ANKRD28: variants seen among roughly 807,000 people sequenced by gnomAD.
ANKRD28 encodes the protein serine/threonine-protein phosphatase 6 regulatory ankyrin repeat subunit A.
In ANKRD28, 44 loss-of-function variants were observed where a neutral mutation model predicts 126.5. The ratio of observed to expected loss-of-function variants is 0.35; its 90% CI spans 0.27 to 0.45. The LOEUF is 0.45. Among genes scored for constraint, ANKRD28 ranks in the 20% least tolerant of loss-of-function variants. The pLI, the probability that ANKRD28 is intolerant of heterozygous loss-of-function variation, is 1.00. For synonymous variants in ANKRD28, 442 were observed against 468.5 expected, an observed-to-expected ratio of 0.94 and a Z score of 0.73; for missense variants, 1,110 against 1,316.6, an observed-to-expected ratio of 0.84 and a Z score of 2.43.
intron 2 of ANKRD28, among the ~76,000 whole-genome samples, chr3:15,774,708 CTCA>C (rs1223756640): frequency 3.3e-5 from 5 of 151,932 alleles, no homozygotes; most frequent in African/African-American, 1.2e-4. Flanking sequence ...AAATTAAGAC[CTCA>C]TGTTTAATTA....
At chr3:15,765,031 C>A (rs955805664) in intron 3 of ANKRD28, among the ~76,000 whole-genome samples, 7 of 152,126 alleles carry the variant, frequency 4.6e-5, no homozygotes, top group African/African-American at 1.7e-4. Context: ...CCCTCTGAGC[C>A]CTCCTTTCCA....
chr3:15,686,946 C>CT (rs368116430), intron 18 of ANKRD28, among the ~76,000 whole-genome samples: 22,584 of 140,960 alleles, frequency 0.16, 2,423 homozygotes, highest in African/African-American at 0.31. Flanking sequence ...CCTGATATTG[C>CT]TTTTTTTTTT....
chr3:15,772,982 A>T (rs1192557174), intron 2 of ANKRD28, among the ~76,000 whole-genome samples: 48 of 152,168 alleles, frequency 3.2e-4, no homozygotes, highest in Non-Finnish European at 2.2e-4. Context: ...CTGAGATAGG[A>T]ATGAGGCAAA....
chr3:15,788,139 C>T (rs1314601963), intron 2 of ANKRD28, among the ~76,000 whole-genome samples: 1 of 151,968 alleles, frequency 6.6e-6, no homozygotes, highest in African/African-American at 2.4e-5. Flanking sequence ...TTTTTATCTA[C>T]CAAAAAAATA....
At chr3:15,841,051 C>G (rs112893811) in intron 1 of ANKRD28, among the ~76,000 whole-genome samples, 1 of 152,024 alleles carries the variant, frequency 6.6e-6, no homozygotes, top group Non-Finnish European at 1.5e-5. Context: ...TGAGGCAGAA[C>G]TGCTTGAACC....
Position 15,702,007 on chromosome 3 carries a change from G to C in ANKRD28, c.1548-5762C>G, listed in dbSNP as rs147074807. ...AACAGAAATGGGTCTTCCTTACTGA[G>C]ACCTGAATACAAAACTTATTCTAAT... On this transcript the variant is annotated intron_variant, in intron 14 of 27. Coordinates refer to ENST00000683139, the MANE Select transcript of ANKRD28 (RefSeq NM_001349278.2). Among the ~76,000 whole-genome samples the C allele has an allele frequency of 1.7e-3, 257 of 152,272 alleles. 2 individuals are homozygous for C. The highest frequency in any genetic ancestry group is 6.1e-3 in the African/African-American group (255 of 41,546).
At chr3:15,747,166 C>CT (rs569471227) in intron 4 of ANKRD28, among the ~76,000 whole-genome samples, 2,488 of 139,266 alleles carry the variant, frequency 0.018, 26 homozygotes, top group Middle Eastern at 0.044. Flanking sequence ...TTTATCTTTC[C>CT]TTTTTTTTTT....
intron 17 of ANKRD28, among the ~76,000 whole-genome samples, chr3:15,691,125 CTTT>C (rs535516050): frequency 4.2e-5 from 6 of 141,440 alleles, no homozygotes; most frequent in South Asian, 2.3e-4. Context: ...CTGAAGTTGT[CTTT>C]TTTTTTTTTT....
At chr3:15,704,531 A>C (rs907830013) in intron 14 of ANKRD28, among the ~76,000 whole-genome samples, 5 of 152,116 alleles carry the variant, frequency 3.3e-5, no homozygotes, top group South Asian at 2.1e-4. Context: ...CAAATAAGCA[A>C]ATGTACATTA....
chr3:15,802,607 T>C (rs1231216915), upstream of ANKRD28, among the ~76,000 whole-genome samples: 1 of 152,218 alleles, frequency 6.6e-6, no homozygotes, highest in Non-Finnish European at 1.5e-5. Context: ...CTGTAACATA[T>C]TGTACTAGAA....
chr3:15,688,487 A>G (rs565042636), intron 18 of ANKRD28, among the ~76,000 whole-genome samples: 1 of 152,238 alleles, frequency 6.6e-6, no homozygotes, highest in East Asian at 1.9e-4. Flanking sequence ...ATGCATTTTA[A>G]CCTCTTGTTC....
intron 1 of ANKRD28, among the ~76,000 whole-genome samples, chr3:15,835,165 A>G (rs1356519033): frequency 2.6e-5 from 4 of 152,194 alleles, no homozygotes; most frequent in Admixed American, 1.3e-4. Context: ...AGAAAAAAGA[A>G]AAAGAAAGAG....
chr3:15,752,599 G>T (rs1230426228), intron 3 of ANKRD28, among the ~76,000 whole-genome samples: 1 of 152,130 alleles, frequency 6.6e-6, no homozygotes, highest in Non-Finnish European at 1.5e-5. Context: ...TATCTAAGTA[G>T]AGAAGAAACA....
At chr3:15,808,753 C>T (rs1338051358) in intron 1 of ANKRD28, among the ~76,000 whole-genome samples, 1 of 150,166 alleles carries the variant, frequency 6.7e-6, no homozygotes, top group African/African-American at 2.5e-5. Flanking sequence ...AGCTACCACT[C>T]CTTTTGTTTG....
chr3:15,775,752 C>G (rs1457362288), intron 2 of ANKRD28, among the ~76,000 whole-genome samples: 2 of 152,190 alleles, frequency 1.3e-5, no homozygotes, highest in Admixed American at 1.3e-4. Flanking sequence ...TCCATTCCCT[C>G]TCTGGGTGCA....
intron 13 of ANKRD28, 79 bp downstream of exon 13, chr3:15,709,589 A>G: frequency 2.0e-6 from 2 of 988,438 alleles, no homozygotes; most frequent in Non-Finnish European, 3.0e-6. Flanking sequence ...TGTTCAGTTA[A>G]TTTTCAGAAG....
chr3:15,730,356 G>A (rs893862245), intron 6 of ANKRD28, among the ~76,000 whole-genome samples: 2 of 152,156 alleles, frequency 1.3e-5, no homozygotes, highest in Admixed American at 1.3e-4. Flanking sequence ...TTGGAGATGA[G>A]GTGGGGCGCT....
intron 1 of ANKRD28, among the ~76,000 whole-genome samples, chr3:15,841,932 G>A (rs11128762): frequency 0.47 from 70,977 of 151,490 alleles, 19,438 homozygotes; most frequent in Non-Finnish European, 0.6. Flanking sequence ...CATCTGCTTG[G>A]TATAACCCAA....
At chr3:15,754,296 T>C (rs534676911) in intron 3 of ANKRD28, among the ~76,000 whole-genome samples, 2 of 152,344 alleles carry the variant, frequency 1.3e-5, no homozygotes, top group South Asian at 4.1e-4. Flanking sequence ...ATCTTGCATA[T>C]GCCATTCACC....
Sources: allele counts gnomAD v4.1 joint callset (sites outside exome capture counted in the v4.1 genomes callset), GRCh38; gene constraint gnomAD v4.1.1; transcripts MANE v1.5; gene names NCBI Gene and HGNC (gene_info 2026-07-23, HGNC 2026-07-21).